Variants in MCC observed in about 807,000 individuals in gnomAD.
MCC encodes the protein MCC regulator of Wnt signaling pathway.
In MCC, 90 loss-of-function variants were observed where a neutral mutation model predicts 116.2. The ratio of observed to expected loss-of-function variants is 0.77; its 90% CI spans 0.65 to 0.92. The LOEUF is 0.92. MCC is among the 40% of genes least tolerant of loss of function. The probability of loss-of-function intolerance (pLI) is 0.00; values close to 1 mark genes in which losing one functional copy is unlikely to be tolerated. For synonymous variants in MCC, 578 were observed against 510.5 expected (o/e 1.13, Z -1.78); for missense variants, 1,516 against 1,312.2 (o/e 1.16, Z -2.40).
intron 11 of MCC, among the ~76,000 whole-genome samples, chr5:113,072,242 C>T (rs554694309): frequency 1.1e-4 from 16 of 152,306 alleles, no homozygotes; most frequent in African/African-American, 3.9e-4. Context: ...ATCTTAGACT[C>T]AAGCCTTAGA....
rs897372440 is a variant in MCC at position 113,168,963 on chromosome 5, G to A, written c.628-17541C>T. Among the ~76,000 whole-genome samples, 5 of 152,112 alleles carry A rather than the reference G, an allele frequency of 3.3e-5. No individual in the cohort carries two copies. The East Asian group carries it at 9.6e-4, about 29-fold the overall frequency. Reference sequence around the variant, plus strand: ...TTGCAGGCATCCAACAGACATAATCGGTGGATGTAAAGATTGTGTTAGCTA... The same window carrying A: ...TTGCAGGCATCCAACAGACATAATCAGTGGATGTAAAGATTGTGTTAGCTA... On this transcript the variant is annotated intron_variant, in intron 3 of 18. Transcript: ENST00000408903.
chr5:113,160,135 T>C (rs980880285), intron 3 of MCC, among the ~76,000 whole-genome samples: 3 of 152,194 alleles, frequency 2.0e-5, no homozygotes, highest in South Asian at 4.1e-4. Context: ...ATGGCTGATA[T>C]AGGGAACAGT....
intron 3 of MCC, among the ~76,000 whole-genome samples, chr5:113,210,353 T>C (rs761353567): frequency 2.0e-5 from 3 of 152,274 alleles, no homozygotes; most frequent in Non-Finnish European, 4.4e-5. Context: ...CTGAACTGGG[T>C]GGTGGTTTAG....
chr5:113,380,616 A>G (rs1769093982), intron 2 of MCC, among the ~76,000 whole-genome samples: 1 of 152,238 alleles, frequency 6.6e-6, no homozygotes, highest in South Asian at 2.1e-4. Context: ...GTCATTAGTA[A>G]TCCGGTGGAA....
chr5:113,365,914 C>T (rs1190952085), intron 2 of MCC, among the ~76,000 whole-genome samples: 2 of 152,172 alleles, frequency 1.3e-5, no homozygotes, highest in Admixed American at 6.5e-5. Flanking sequence ...GGGGATGGTG[C>T]TAAATCACTC....
chr5:113,424,419 A>G (rs985445288), intron 1 of MCC, among the ~76,000 whole-genome samples: 2 of 152,184 alleles, frequency 1.3e-5, no homozygotes, highest in Non-Finnish European at 2.9e-5. Flanking sequence ...ATAAGTTTTA[A>G]AAAAGAACAC....
At chr5:113,469,688 G>A (rs1403127712) in intron 1 of MCC, among the ~76,000 whole-genome samples, 1 of 152,202 alleles carries the variant, frequency 6.6e-6, no homozygotes, top group African/African-American at 2.4e-5. Flanking sequence ...TTCTGTAGAT[G>A]TCTATTAGGT....
chr5:113,085,050 A>T, intron 9 of MCC, 114 bp downstream of exon 9: 3 of 1,419,902 alleles, frequency 2.1e-6, no homozygotes, highest in Middle Eastern at 2.5e-4. Flanking sequence ...TCCCAGGGGA[A>T]GCCCCTTGTG....
chr5:113,052,212 T>A (rs1752530805), intron 15 of MCC, among the ~76,000 whole-genome samples: 1 of 152,228 alleles, frequency 6.6e-6, no homozygotes, highest in Admixed American at 6.5e-5. Context: ...AAGGAAATCC[T>A]TAGTCTTTGG....
At chr5:113,032,825 G>T (rs2112453) in intron 17 of MCC, among the ~76,000 whole-genome samples, 8 of 151,970 alleles carry the variant, frequency 5.3e-5, no homozygotes, top group African/African-American at 1.9e-4. Context: ...AACCCAAGAC[G>T]GCCACAAGAA....
At chr5:113,035,555 G>A (rs1751274011) in intron 17 of MCC, among the ~76,000 whole-genome samples, 1 of 152,174 alleles carries the variant, frequency 6.6e-6, no homozygotes, top group South Asian at 2.1e-4. Context: ...CTTGACCTGA[G>A]TGCTACTTGC....
At chr5:113,271,566 T>A (rs953640140) in intron 3 of MCC, among the ~76,000 whole-genome samples, 1 of 152,220 alleles carries the variant, frequency 6.6e-6, no homozygotes, top group Non-Finnish European at 1.5e-5. Context: ...GTTTTTGCAC[T>A]GAAATTCCTG....
intron 3 of MCC, among the ~76,000 whole-genome samples, chr5:113,221,791 G>GC (rs1422212800): frequency 1.3e-5 from 2 of 151,842 alleles, no homozygotes; most frequent in African/African-American, 4.8e-5. Context: ...CCGATTCACT[G>GC]CCCCCCGCCC....
chr5:113,325,428 C>CTTT (rs34751344), intron 3 of MCC, among the ~76,000 whole-genome samples: 14 of 137,708 alleles, frequency 1.0e-4, no homozygotes, highest in Non-Finnish European at 1.7e-4. Flanking sequence ...TCTCGCAGCA[C>CTTT]TTTTTTTTTT....
chr5:113,241,181 G>A (rs1310402360), intron 3 of MCC, among the ~76,000 whole-genome samples: 1 of 152,178 alleles, frequency 6.6e-6, no homozygotes, highest in African/African-American at 2.4e-5. Flanking sequence ...CTTTTCTTAG[G>A]AGTATAACGT....
At chr5:113,458,107 T>C (rs560037346) in intron 1 of MCC, among the ~76,000 whole-genome samples, 50 of 152,130 alleles carry the variant, frequency 3.3e-4, no homozygotes, top group Non-Finnish European at 5.9e-4. Context: ...GATAAGAGAA[T>C]AAAAGCAGGC....
intron 3 of MCC, among the ~76,000 whole-genome samples, chr5:113,209,111 A>G (rs1470059671): frequency 6.6e-6 from 1 of 152,224 alleles, no homozygotes; most frequent in East Asian, 1.9e-4. Flanking sequence ...TATGTCCAAC[A>G]GAGTGAGATT....
At chr5:113,164,637 T>C (rs1379628845) in intron 3 of MCC, among the ~76,000 whole-genome samples, 1 of 152,220 alleles carries the variant, frequency 6.6e-6, no homozygotes, top group Non-Finnish European at 1.5e-5. Context: ...AATGAACTCA[T>C]TTCACAGATA....
intron 3 of MCC, among the ~76,000 whole-genome samples, chr5:113,158,374 C>A (rs1760292363): frequency 6.6e-6 from 1 of 152,240 alleles, no homozygotes; most frequent in African/African-American, 2.4e-5. Flanking sequence ...CTTAATTTCA[C>A]TGAACTTAAT....
Sources: gnomAD v4.1 joint callset for allele counts (sites outside exome capture counted in the v4.1 genomes callset) on GRCh38, gnomAD v4.1.1 for gene constraint, MANE v1.5 for transcripts, NCBI Gene and HGNC (gene_info 2026-07-23, HGNC 2026-07-21) for gene names.